Variants in ALDH1A3 observed in about 807,000 individuals in gnomAD.
ALDH1A3 encodes retinaldehyde dehydrogenase 3.
ALDH1A3 carries 28 observed loss-of-function variants against 57.5 expected under a neutral mutation model. The observed-to-expected ratio is 0.49, with a 90% CI of 0.36 to 0.67. The LOEUF (loss-of-function observed/expected upper bound fraction) is 0.67. ALDH1A3 is among the 30% of genes least tolerant of loss of function. The probability of loss-of-function intolerance (pLI) is 0.00; values close to 1 mark genes in which losing one functional copy is unlikely to be tolerated. For synonymous variants in ALDH1A3, 281 were observed against 264.8 expected, an observed-to-expected ratio of 1.06 and a Z score of -0.59; for missense variants, 507 against 669.4, an observed-to-expected ratio of 0.76 and a Z score of 2.68.
At chr15:100,905,053 C>T (rs1386992970) in intron 9 of ALDH1A3, among the ~76,000 whole-genome samples, 1 of 152,190 alleles carries the variant, frequency 6.6e-6, no homozygotes, top group Non-Finnish European at 1.5e-5. Context: ...ACAGTAAATG[C>T]ACTTTTAGCT....
Position 100,898,068 on chromosome 15 carries a change from T to C in ALDH1A3, c.781-15T>C, listed in dbSNP as rs745620804. 1 of 1,611,070 alleles carries C rather than the reference T, an allele frequency of 6.2e-7. No individual in the cohort carries two copies. The highest frequency in any genetic ancestry group is 1.3e-5 in the African/African-American group (1 of 75,022). Reference sequence around the variant, plus strand: ...AACATCCAAGGTAAATTGTGATCTGTGTTCTGTCCTGGAGGTTGGAAAACT... The same window carrying C: ...AACATCCAAGGTAAATTGTGATCTGCGTTCTGTCCTGGAGGTTGGAAAACT... On this transcript the variant is annotated splice_polypyrimidine_tract_variant and intron_variant, in intron 7 of 12. Transcript: ENST00000329841.
intron 3 of ALDH1A3, among the ~76,000 whole-genome samples, chr15:100,890,448 G>C: frequency 6.6e-6 from 1 of 152,040 alleles, no homozygotes; most frequent in East Asian, 1.9e-4. Context: ...ATCATGACCT[G>C]GGTTTTGCTC....
intron 10 of ALDH1A3, among the ~76,000 whole-genome samples, chr15:100,905,997 G>A (rs1229755902): frequency 1.3e-5 from 2 of 151,994 alleles, no homozygotes; most frequent in East Asian, 1.9e-4. Context: ...TAACACAACC[G>A]GTCCCCGAGT....
intron 3 of ALDH1A3, chr15:100,892,287 G>A: frequency 1.8e-6 from 1 of 564,058 alleles, no homozygotes; most frequent in East Asian, 3.6e-5. Flanking sequence ...CCACCACCCT[G>A]CAGCCCACTT....
chr15:100,907,041 A>G (rs981769843), intron 10 of ALDH1A3, 80 bp from the exon 11 acceptor site: 17 of 1,495,402 alleles, frequency 1.1e-5, no homozygotes, highest in Non-Finnish European at 1.6e-5. Context: ...AAAAACATGT[A>G]AAGAGAAGGA....
At position 100,907,284 on chromosome 15, in the gene ALDH1A3, T is replaced by C. The variant is rs892113558; in HGVS notation, c.1391+6T>C. ...TTAGAGTCTGGAACGGTCTGGTGAG[T>C]TGACTGTGTGTGTATTTCAGCTCTC... On this transcript the variant is annotated splice_donor_region_variant and intron_variant, in intron 11 of 12. Coordinates refer to ENST00000329841, the MANE Select transcript of ALDH1A3 (RefSeq NM_000693.4). 6 of 1,612,296 alleles carry C rather than the reference T, an allele frequency of 3.7e-6. No individual in the cohort carries two copies. The highest frequency in any genetic ancestry group is 1.3e-5 in the African/African-American group (1 of 74,814).
intron 12 of ALDH1A3, among the ~76,000 whole-genome samples, chr15:100,909,679 T>G (rs2041864438): frequency 6.6e-6 from 1 of 152,132 alleles, no homozygotes; most frequent in African/African-American, 2.4e-5. Context: ...TTCCCTAGGT[T>G]TAGATTAATG....
intron 4 of ALDH1A3, 136 bp from the exon 5 acceptor site, chr15:100,892,809 C>A (rs1316779909): frequency 3.0e-6 from 4 of 1,311,964 alleles, no homozygotes; most frequent in African/African-American, 3.0e-5. Context: ...AAGTTGAGGT[C>A]AAATCACTTC....
chr15:100,901,048 G>T (rs1177884820), intron 9 of ALDH1A3, among the ~76,000 whole-genome samples: 1 of 152,194 alleles, frequency 6.6e-6, no homozygotes, highest in East Asian at 1.9e-4. Flanking sequence ...TACAGAAAAG[G>T]GGCTGTAGGC....
intron 9 of ALDH1A3, among the ~76,000 whole-genome samples, chr15:100,903,144 G>A (rs529805538): frequency 9.3e-5 from 10 of 107,738 alleles, no homozygotes; most frequent in Non-Finnish European, 1.3e-4. Flanking sequence ...AAGGATTCCC[G>A]CCCCTCCCGC....
At chr15:100,913,657 C>G (rs1161737817) in intron 12 of ALDH1A3, 1 of 152,230 alleles carries the variant, frequency 6.6e-6, no homozygotes, top group Non-Finnish European at 1.5e-5. Context: ...CCAACATATT[C>G]ACAGGTTTGG....
At chr15:100,912,903 A>G (rs2041894216) in intron 12 of ALDH1A3, among the ~76,000 whole-genome samples, 2 of 29,450 alleles carry the variant, frequency 6.8e-5, no homozygotes, top group Admixed American at 5.6e-4. Flanking sequence ...TCACGCCTGT[A>G]ATCCCAGCAC....
intron 3 of ALDH1A3, among the ~76,000 whole-genome samples, chr15:100,891,409 C>T (rs977493484): frequency 2.0e-5 from 3 of 152,226 alleles, no homozygotes; most frequent in Non-Finnish European, 4.4e-5. Flanking sequence ...AGTGGCTGCC[C>T]TGCAGTCTTT....
intron 9 of ALDH1A3, 140 bp from the exon 10 acceptor site, chr15:100,905,383 C>T (rs1047366621): frequency 6.5e-5 from 69 of 1,061,062 alleles, no homozygotes; most frequent in Non-Finnish European, 9.0e-5. Flanking sequence ...GCCTGCAAGG[C>T]TCATTAGTTA....
intron 12 of ALDH1A3, chr15:100,914,492 C>A: frequency 2.0e-6 from 1 of 497,686 alleles, no homozygotes; most frequent in Non-Finnish European, 3.6e-6. Context: ...CAGAAGAAGA[C>A]CTTGATATTT....
intron 11 of ALDH1A3, among the ~76,000 whole-genome samples, chr15:100,908,043 T>G (rs534970732): frequency 6.6e-6 from 1 of 152,088 alleles, no homozygotes; most frequent in East Asian, 1.9e-4. Context: ...GAGATGGGGT[T>G]TCACCATGTT....
Position 100,906,049 on chromosome 15 carries a change from G to A in ALDH1A3, c.1233+362G>A, listed in dbSNP as rs1265642256. On this transcript the variant is annotated intron_variant, in intron 10 of 12. Coordinates refer to ENST00000329841, the MANE Select transcript of ALDH1A3 (RefSeq NM_000693.4). This position sits in a 1 kb window ranked among gnomAD's most constrained non-coding sequence, Gnocchi z 4.8. ...GGTGGAGAACTGTTGCCACCTGTGGGTTTTGCCAGGAATCAGTTCAAGAAC... is the reference window on the plus strand; with the variant it reads ...GGTGGAGAACTGTTGCCACCTGTGGATTTTGCCAGGAATCAGTTCAAGAAC... Among the ~76,000 whole-genome samples the A allele has an allele frequency of 6.6e-6, 1 of 152,152 alleles. No individual in the cohort carries two copies. The highest frequency in any genetic ancestry group is 2.4e-5 in the African/African-American group (1 of 41,428).
Position 100,896,066 on chromosome 15 carries a change from G to C in ALDH1A3, c.780+20G>C. 1 of 1,579,582 alleles carries C rather than the reference G, an allele frequency of 6.3e-7. No individual in the cohort carries two copies. On this transcript the variant is annotated intron_variant, in intron 7 of 12. Transcript: ENST00000329841. Reference sequence around the variant, plus strand: ...ACAGAGGTAACCCTCCTCACAGGGTGCTGGGGAAAGTGAAAGGGGCGTGTT... The same window carrying C: ...ACAGAGGTAACCCTCCTCACAGGGTCCTGGGGAAAGTGAAAGGGGCGTGTT...
chr15:100,898,454 G>A (rs1036272019), intron 8 of ALDH1A3, among the ~76,000 whole-genome samples: 3 of 152,200 alleles, frequency 2.0e-5, no homozygotes, highest in Admixed American at 6.5e-5. Context: ...CTGTTTCTGC[G>A]CCTTAGCGTT....
Sources: allele counts gnomAD v4.1 joint callset (sites outside exome capture counted in the v4.1 genomes callset), GRCh38; gene constraint gnomAD v4.1.1; non-coding constraint Gnocchi (gnomAD v3.1); transcripts MANE v1.5; gene names NCBI Gene and HGNC (gene_info 2026-07-23, HGNC 2026-07-21).